Variants in FAM227B observed in about 807,000 individuals in gnomAD.
FAM227B encodes family with sequence similarity 227 member B.
In FAM227B, 88 loss-of-function variants were observed where a neutral mutation model predicts 73.8. The observed-to-expected ratio is 1.19, with a 90% confidence interval of 1.00 to 1.42. The LOEUF is 1.42. FAM227B is among the 40% of genes most tolerant of loss of function. FAM227B has a pLI of 0.00. For missense variants in FAM227B, 632 were observed against 590.9 expected (o/e 1.07, Z -0.72); for synonymous variants, 210 against 190.5 (o/e 1.10, Z -0.84).
At chr15:49,336,827 TGATA>T (rs1005367159) in intron 13 of FAM227B, among the ~76,000 whole-genome samples, 7 of 152,116 alleles carry the variant, frequency 4.6e-5, no homozygotes, top group Admixed American at 1.3e-4. Flanking sequence ...GCACAGAACA[TGATA>T]GATAGTTTTT....
At chr15:49,451,841 G>GA (rs960782285) in intron 11 of FAM227B, among the ~76,000 whole-genome samples, 36 of 152,086 alleles carry the variant, frequency 2.4e-4, no homozygotes, top group African/African-American at 8.0e-4. Flanking sequence ...TACCTAGGAG[G>GA]AAAAAACTAA....
At position 49,343,468 on chromosome 15, in the gene FAM227B, G is replaced by C. The variant is rs1325663916; in HGVS notation, c.1272-7972C>G. On this transcript the variant is annotated intron_variant, in intron 13 of 15. Coordinates refer to ENST00000299338, the MANE Select transcript of FAM227B (RefSeq NM_152647.3). ...TGACTTTCAACACACTCTAGTGCCTGTGTTTAAGGCTGTTGAGCAAGATGG... is the reference window on the plus strand; with the variant it reads ...TGACTTTCAACACACTCTAGTGCCTCTGTTTAAGGCTGTTGAGCAAGATGG... 3.3e-5 allele frequency: 5 copies of C among 152,184 alleles called. No individual in the cohort carries two copies. In the East Asian group the frequency reaches 9.7e-4, roughly 29 times the overall value. The allele number at this position is 152,184 out of a possible 1,614,324, so 9.4% of individuals were successfully genotyped here.
intron 7 of FAM227B, 23 bp from the exon 8 acceptor site, chr15:49,575,132 G>A: frequency 8.4e-7 from 1 of 1,192,318 alleles, no homozygotes; most frequent in Non-Finnish European, 1.2e-6. Context: ...ACAAGAGAGA[G>A]ATGCATGGAG....
intron 15 of FAM227B, chr15:49,331,191 T>C (rs752806585): frequency 6.6e-6 from 1 of 152,302 alleles, no homozygotes; most frequent in East Asian, 1.9e-4. Context: ...TGACCTCCAA[T>C]TGTCCAGCAT....
chr15:49,467,828 T>C (rs768829787), intron 11 of FAM227B, among the ~76,000 whole-genome samples: 9 of 152,120 alleles, frequency 5.9e-5, no homozygotes, highest in Non-Finnish European at 1.2e-4. Flanking sequence ...GGTGGGTCCC[T>C]TGCATTCCTG....
chr15:49,336,872 T>TA lies in FAM227B; in HGVS notation c.1272-1377dup, dbSNP rs563659768. 2.4e-4 allele frequency among the ~76,000 whole-genome samples: 37 copies of TA among 152,284 alleles called. No individual in the cohort carries two copies. In the East Asian group the frequency reaches 3.3e-3, roughly 14 times the overall value. On this transcript the variant is annotated intron_variant, in intron 13 of 15. Transcript: ENST00000299338. ...CTTGCTCCCCTCCCTTCCCTTCTCT[T>TA]ACAGTATGCAGTGTCTATTGTTGAC... is the stretch of plus-strand genomic sequence containing the variant.
chr15:49,577,054 T>A (rs1168110728), intron 6 of FAM227B: 4 of 438,716 alleles, frequency 9.1e-6, no homozygotes, highest in Non-Finnish European at 1.6e-5. Flanking sequence ...CCCACCACAC[T>A]GGGAGGCTGA....
chr15:49,433,123 A>G (rs546917173), intron 11 of FAM227B, among the ~76,000 whole-genome samples: 9 of 151,330 alleles, frequency 5.9e-5, no homozygotes, highest in Non-Finnish European at 1.3e-4. Flanking sequence ...AAGGACTACA[A>G]ATTTAATGAA....
intron 11 of FAM227B, chr15:49,489,135 T>C (rs1372235161): frequency 2.7e-6 from 1 of 365,294 alleles, no homozygotes; most frequent in Non-Finnish European, 3.8e-6. Context: ...CTGCCTACAC[T>C]CATGAGGAGG....
At chr15:49,367,381 T>A (rs2045386272) in intron 13 of FAM227B, 67 bp downstream of exon 13, 2 of 1,322,658 alleles carry the variant, frequency 1.5e-6, no homozygotes, top group Admixed American at 5.4e-5. Context: ...ATTGAGACAT[T>A]CAGTGAAATG....
intron 5 of FAM227B, among the ~76,000 whole-genome samples, chr15:49,578,097 T>C (rs976035035): frequency 1.3e-5 from 2 of 152,186 alleles, no homozygotes; most frequent in African/African-American, 4.8e-5. Context: ...GGAGGCCTAA[T>C]AGCCACAACT....
chr15:49,522,203 C>T (rs576202847), intron 10 of FAM227B, among the ~76,000 whole-genome samples: 3 of 152,282 alleles, frequency 2.0e-5, no homozygotes, highest in Admixed American at 6.5e-5. Context: ...AGTGTCTTAG[C>T]CCCTGGAGAT....
chr15:49,494,256 AACACAC>A (rs374477211), intron 11 of FAM227B, among the ~76,000 whole-genome samples: 75 of 140,684 alleles, frequency 5.3e-4, no homozygotes, highest in Middle Eastern at 3.6e-3. Flanking sequence ...GAGACACACA[AACACAC>A]ACACACACAC....
In FAM227B at chr15:49,343,402, C is replaced by T. The variant is rs143618957; in HGVS notation, c.1272-7906G>A. Among the ~76,000 whole-genome samples, 924 of 152,182 alleles carry T rather than the reference C, an allele frequency of 6.1e-3. 4 individuals carry two copies. The highest frequency in any genetic ancestry group is 0.01 in the Non-Finnish European group (694 of 67,978). Reference sequence around the variant, plus strand: ...GATTGATTTCCTAAGATGTGTATCTCTTACTTCATTTCCTGAATTGATTTA... The same window carrying T: ...GATTGATTTCCTAAGATGTGTATCTTTTACTTCATTTCCTGAATTGATTTA... On this transcript the variant is annotated intron_variant, in intron 13 of 15. Transcript: ENST00000299338.
intron 11 of FAM227B, among the ~76,000 whole-genome samples, chr15:49,477,837 A>AT (rs2055494808): frequency 6.6e-6 from 1 of 152,240 alleles, no homozygotes; most frequent in African/African-American, 2.4e-5. Context: ...GCCAGCATAC[A>AT]GCACTGTTAG....
chr15:49,493,903 T>A (rs1183989036), intron 11 of FAM227B, among the ~76,000 whole-genome samples: 4 of 151,788 alleles, frequency 2.6e-5, no homozygotes, highest in African/African-American at 7.3e-5. Flanking sequence ...TGTGTGTGTA[T>A]GTATGTGTGT....
chr15:49,407,149 C>G (rs528546875), intron 11 of FAM227B, among the ~76,000 whole-genome samples: 1 of 152,330 alleles, frequency 6.6e-6, no homozygotes, highest in Non-Finnish European at 1.5e-5. Context: ...TACACATGCT[C>G]TCATGCCAAA....
rs1045446703 is a variant in FAM227B, at chr15:49,566,196, G to C, written c.747+2049C>G. ...TTTTAAGATCTCCATGATTTTTCTT[G>C]GGAAGTGAAGGGAAAAGGGAAAAAC... is the stretch of plus-strand genomic sequence containing the variant. On this transcript the variant is annotated intron_variant, in intron 9 of 15. Coordinates refer to ENST00000299338, the MANE Select transcript of FAM227B (RefSeq NM_152647.3). 3.3e-5 allele frequency among the ~76,000 whole-genome samples: 5 copies of C among 152,124 alleles called. No individual in the cohort carries two copies. In the East Asian group the frequency reaches 9.6e-4, roughly 29 times the overall value.
intron 11 of FAM227B, among the ~76,000 whole-genome samples, chr15:49,400,584 T>C (rs1254167724): frequency 1.3e-5 from 1 of 74,176 alleles, no homozygotes; most frequent in Non-Finnish European, 2.9e-5. Context: ...GGCATCACAC[T>C]ACCTGACTTC....
Sources: gnomAD v4.1 joint callset for allele counts (sites outside exome capture counted in the v4.1 genomes callset) on GRCh38, gnomAD v4.1.1 for gene constraint, MANE v1.5 for transcripts, NCBI Gene and HGNC (gene_info 2026-07-23, HGNC 2026-07-21) for gene names.